The following LTBP1 variants were observed in gnomAD, a reference collection of about 807,000 sequenced individuals.
LTBP1 encodes latent transforming growth factor beta binding protein 1.
A neutral mutation model predicts 207.6 loss-of-function variants in LTBP1; 129 were observed. That is an observed-to-expected ratio of 0.62 (90% CI 0.54 to 0.72). LTBP1 has a LOEUF of 0.72. Ranked by LOEUF, LTBP1 falls within the 30% of genes least tolerant of loss-of-function variation. The pLI, the probability that LTBP1 is intolerant of heterozygous loss-of-function variation, is 0.00. For synonymous variants in LTBP1, 963 were observed against 833.7 expected, an observed-to-expected ratio of 1.16 and a Z score of -2.67; for missense variants, 2,281 against 2,217.2, an observed-to-expected ratio of 1.03 and a Z score of -0.58.
intron 2 of LTBP1, among the ~76,000 whole-genome samples, chr2:32,967,111 G>A (rs1354841858): frequency 6.6e-6 from 1 of 152,146 alleles, no homozygotes; most frequent in Middle Eastern, 3.4e-3. Context: ...TGTGGGCATA[G>A]AATTCATAAT....
intron 15 of LTBP1, among the ~76,000 whole-genome samples, chr2:33,270,448 G>C (rs2093293852): frequency 6.6e-6 from 1 of 151,830 alleles, no homozygotes; most frequent in South Asian, 2.1e-4. Flanking sequence ...AAATTAGCCG[G>C]GCGTGGTGGC....
intron 24 of LTBP1, among the ~76,000 whole-genome samples, chr2:33,323,192 G>GT (rs2094380995): frequency 1.3e-5 from 2 of 152,162 alleles, no homozygotes; most frequent in African/African-American, 4.8e-5. Flanking sequence ...CCTATAGTTA[G>GT]GCAAAACCAT....
chr2:33,147,957 A>G (rs2083189045), intron 5 of LTBP1, among the ~76,000 whole-genome samples: 1 of 152,220 alleles, frequency 6.6e-6, no homozygotes, highest in African/African-American at 2.4e-5. Context: ...CCAGCGTCCC[A>G]GGAAGTGAAA....
At chr2:33,056,427 C>T (rs759034550) in intron 3 of LTBP1, 113 of 1,021,332 alleles carry the variant, frequency 1.1e-4, no homozygotes, top group Non-Finnish European at 1.5e-4. Context: ...GGTGACTTTG[C>T]CCAGCAGCTT....
At chr2:33,284,339 A>G (rs918892498) in intron 19 of LTBP1, among the ~76,000 whole-genome samples, 6 of 152,176 alleles carry the variant, frequency 3.9e-5, no homozygotes, top group African/African-American at 1.4e-4. Flanking sequence ...TCAAATATCT[A>G]TCATTTCAGA....
At chr2:33,324,435 A>G (rs541232999) in intron 24 of LTBP1, among the ~76,000 whole-genome samples, 1 of 152,130 alleles carries the variant, frequency 6.6e-6, no homozygotes, top group East Asian at 1.9e-4. Context: ...GTATATATAT[A>G]TGGTTCAGTA....
At chr2:33,224,929 T>A (rs2091347368) in intron 9 of LTBP1, among the ~76,000 whole-genome samples, 1 of 152,196 alleles carries the variant, frequency 6.6e-6, no homozygotes, top group Non-Finnish European at 1.5e-5. Context: ...TCTTTTCCTC[T>A]ACCTTTTTGT....
At chr2:32,977,054 T>G (rs1337022425) in intron 2 of LTBP1, among the ~76,000 whole-genome samples, 2 of 152,208 alleles carry the variant, frequency 1.3e-5, no homozygotes, top group African/African-American at 4.8e-5. Flanking sequence ...TGCCCTGCTG[T>G]CCGGGTGTTA....
intron 5 of LTBP1, among the ~76,000 whole-genome samples, chr2:33,167,504 A>G (rs2085032985): frequency 6.6e-6 from 1 of 152,266 alleles, no homozygotes; most frequent in Non-Finnish European, 1.5e-5. Flanking sequence ...TGGAGCAGTC[A>G]GATGTGAACC....
intron 2 of LTBP1, among the ~76,000 whole-genome samples, chr2:32,985,249 G>C (rs1683368199): frequency 7.8e-6 from 1 of 127,526 alleles, no homozygotes; most frequent in Non-Finnish European, 1.8e-5. Context: ...GTTTTCCTTT[G>C]CTGAGTGACA....
chr2:33,291,524 G>C (rs1046839415), intron 19 of LTBP1: 1 of 152,194 alleles, frequency 6.6e-6, no homozygotes, highest in Non-Finnish European at 1.5e-5. Context: ...CTTCTTTCAA[G>C]TTGTTTGCCT....
intron 33 of LTBP1, among the ~76,000 whole-genome samples, chr2:33,398,128 A>G (rs12998149): frequency 0.012 from 1,849 of 152,356 alleles, 17 homozygotes; most frequent in Middle Eastern, 0.092. Flanking sequence ...GAAAATGTCA[A>G]GCTCACAAAA....
rs958684305 is a variant in LTBP1, at chr2:33,262,652, G to A, written c.2419-70G>A. ...ATTACATAAAAATAGTAATATGTGGGAAACTAAAAATAATTTCCACTTTCA... is the reference window on the plus strand; with the variant it reads ...ATTACATAAAAATAGTAATATGTGGAAAACTAAAAATAATTTCCACTTTCA... On this transcript the variant is annotated intron_variant, in intron 13 of 33. Coordinates refer to ENST00000404816, the MANE Select transcript of LTBP1 (RefSeq NM_206943.4). 2.2e-5 allele frequency: 16 copies of A among 740,016 alleles called. No homozygotes were observed. In the African/African-American group the frequency reaches 2.2e-4, roughly 10 times the overall value. 45.8% of individuals were successfully genotyped at this position (740,016 alleles called of 1,614,324 possible).
chr2:33,273,338 A>G (rs2148365447), intron 15 of LTBP1, among the ~76,000 whole-genome samples: 1 of 152,286 alleles, frequency 6.6e-6, no homozygotes, highest in Non-Finnish European at 1.5e-5. Flanking sequence ...TTAATAGGCC[A>G]TTTTGGAAGC....
chr2:33,229,089 C>G (rs1395306108), intron 9 of LTBP1, among the ~76,000 whole-genome samples: 1 of 152,096 alleles, frequency 6.6e-6, no homozygotes, highest in East Asian at 1.9e-4. Flanking sequence ...AATGCAGATA[C>G]TAGCTAATTA....
intron 5 of LTBP1, among the ~76,000 whole-genome samples, chr2:33,174,006 C>G (rs1399777428): frequency 1.4e-4 from 19 of 137,686 alleles, no homozygotes; most frequent in African/African-American, 4.3e-4. Flanking sequence ...GGACGTATCT[C>G]AAAATAATAA....
At chr2:33,306,209 C>G (rs2094089857) in intron 22 of LTBP1, among the ~76,000 whole-genome samples, 1 of 152,208 alleles carries the variant, frequency 6.6e-6, no homozygotes. Flanking sequence ...AAATAATGCT[C>G]TTTTCCCTCA....
intron 25 of LTBP1, among the ~76,000 whole-genome samples, chr2:33,346,855 G>T (rs1202143807): frequency 6.6e-6 from 1 of 152,010 alleles, no homozygotes; most frequent in Non-Finnish European, 1.5e-5. Context: ...AGTGGCTCGC[G>T]CCTGTAATCC....
At chr2:33,023,115 C>G (rs889039441) in intron 3 of LTBP1, among the ~76,000 whole-genome samples, 1 of 152,132 alleles carries the variant, frequency 6.6e-6, no homozygotes, top group African/African-American at 2.4e-5. Flanking sequence ...CTAGACATCT[C>G]CCTTCCAACA....
Sources: allele counts gnomAD v4.1 joint callset (sites outside exome capture counted in the v4.1 genomes callset), GRCh38; gene constraint gnomAD v4.1.1; transcripts MANE v1.5; gene names NCBI Gene and HGNC (gene_info 2026-07-23, HGNC 2026-07-21).